TENM3: variants seen among roughly 807,000 people sequenced by gnomAD.
TENM3 encodes the protein teneurin transmembrane protein 3.
Under a neutral mutation model 255.1 loss-of-function variants are expected in TENM3, and 63 were observed. The ratio of observed to expected loss-of-function variants is 0.25; its 90% CI spans 0.20 to 0.30. TENM3 has a LOEUF of 0.30. Among genes scored for constraint, TENM3 ranks in the 10% least tolerant of loss-of-function variants. The probability of loss-of-function intolerance (pLI) is 1.00; values close to 1 mark genes in which losing one functional copy is unlikely to be tolerated. For synonymous variants in TENM3, 1,306 were observed against 1,322.3 expected (o/e 0.99, Z 0.27); for missense variants, 2,929 against 3,461.1 (o/e 0.85, Z 3.86).
the TENM3 span, among the ~76,000 whole-genome samples, chr4:181,472,247 T>C: frequency 1.3e-4 from 20 of 152,236 alleles, no homozygotes; most frequent in African/African-American, 4.8e-4. Context: ...TAGGAGGCTG[T>C]TTGACAATGC....
At chr4:181,705,670 T>C in the TENM3 span, among the ~76,000 whole-genome samples, 1 of 152,324 alleles carries the variant, frequency 6.6e-6, no homozygotes, top group Admixed American at 6.5e-5. Flanking sequence ...GATGGGTTGA[T>C]AGATGCAGCA....
chr4:182,265,566 TTGCTTATTTGC>T (rs1248135402), intron 1 of TENM3, among the ~76,000 whole-genome samples: 2 of 152,194 alleles, frequency 1.3e-5, no homozygotes, highest in African/African-American at 4.8e-5. Context: ...AGCTGCTTAT[TTGCTTATTTGC>T]TGCTTATTTG....
At chr4:182,742,427 T>C (rs992342874) in intron 18 of TENM3, among the ~76,000 whole-genome samples, 1 of 152,236 alleles carries the variant, frequency 6.6e-6, no homozygotes, top group African/African-American at 2.4e-5. Context: ...ACATTTTGAA[T>C]AACCGCATGT....
chr4:182,141,348 C>T (rs953771378), upstream of TENM3: 10 of 152,272 alleles, frequency 6.6e-5, no homozygotes, highest in African/African-American at 2.4e-4. Flanking sequence ...GACAACAGCT[C>T]AGTGAGGTAA....
At chr4:182,512,042 A>G (rs1329032258) in intron 3 of TENM3, among the ~76,000 whole-genome samples, 1 of 152,170 alleles carries the variant, frequency 6.6e-6, no homozygotes, top group East Asian at 1.9e-4. Flanking sequence ...CATTCTCATC[A>G]AAGGCATGGT....
chr4:181,734,442 A>T, the TENM3 span, among the ~76,000 whole-genome samples: 18 of 152,122 alleles, frequency 1.2e-4, no homozygotes, highest in Non-Finnish European at 1.5e-5. Flanking sequence ...TCACCAACAC[A>T]TACATACGTT....
At chr4:181,620,629 C>A in the TENM3 span, among the ~76,000 whole-genome samples, 1 of 148,252 alleles carries the variant, frequency 6.7e-6, no homozygotes, top group Middle Eastern at 3.5e-3. Context: ...CAGGGAAAGC[C>A]TACGTGAGGA....
At chr4:182,375,659 C>T (rs974006208) in intron 3 of TENM3, among the ~76,000 whole-genome samples, 6 of 152,014 alleles carry the variant, frequency 3.9e-5, no homozygotes, top group Admixed American at 2.6e-4. Flanking sequence ...CTCCTGCCTC[C>T]GCCTCCTGGG....
chr4:181,985,699 G>C, the TENM3 span, among the ~76,000 whole-genome samples: 1 of 152,066 alleles, frequency 6.6e-6, no homozygotes, highest in Non-Finnish European at 1.5e-5. Flanking sequence ...AATAAACAAT[G>C]AGCAATTCAA....
the TENM3 span, among the ~76,000 whole-genome samples, chr4:181,580,066 C>T: frequency 2.0e-5 from 3 of 151,692 alleles, no homozygotes; most frequent in African/African-American, 7.3e-5. Flanking sequence ...GGCGCGATCT[C>T]AACTCACCGC....
chr4:181,551,066 G>C, the TENM3 span, among the ~76,000 whole-genome samples: 298 of 152,218 alleles, frequency 2.0e-3, 1 homozygote, highest in Middle Eastern at 6.8e-3. Context: ...TTACAACATT[G>C]GTGAACAGGA....
chr4:182,525,643 G>A (rs920493283), intron 3 of TENM3, among the ~76,000 whole-genome samples: 9 of 152,196 alleles, frequency 5.9e-5, no homozygotes, highest in African/African-American at 1.7e-4. Flanking sequence ...CATCTGCCAC[G>A]TTTGGGAGTT....
the TENM3 span, among the ~76,000 whole-genome samples, chr4:181,940,374 C>G: frequency 1.2e-4 from 18 of 152,134 alleles, no homozygotes; most frequent in Non-Finnish European, 1.5e-5. Context: ...ACATATTTAG[C>G]TTCGCCAGAA....
At chr4:182,788,833 T>G (rs550149453) in intron 24 of TENM3, among the ~76,000 whole-genome samples, 1 of 152,314 alleles carries the variant, frequency 6.6e-6, no homozygotes, top group South Asian at 2.1e-4. Flanking sequence ...ACACATACAT[T>G]TTGGTATTTT....
chr4:181,474,888 C>T, the TENM3 span, among the ~76,000 whole-genome samples: 5 of 151,984 alleles, frequency 3.3e-5, no homozygotes, highest in Admixed American at 3.3e-4. Flanking sequence ...CCTCTCTTCT[C>T]CCCCCACCTC....
chr4:181,605,728 A>G, the TENM3 span, among the ~76,000 whole-genome samples: 1 of 152,210 alleles, frequency 6.6e-6, no homozygotes. Flanking sequence ...GTACTAGAAT[A>G]GAATCAAACT....
chr4:182,449,023 G>A (rs1392485537), intron 3 of TENM3: 2 of 390,126 alleles, frequency 5.1e-6, no homozygotes, highest in African/African-American at 2.2e-5. Context: ...TCCAGACCCA[G>A]GCAACTTGGC....
the TENM3 span, among the ~76,000 whole-genome samples, chr4:181,600,513 A>G: frequency 1.3e-5 from 2 of 152,158 alleles, no homozygotes; most frequent in Non-Finnish European, 2.9e-5. Context: ...AAGCCAAGGC[A>G]GGCAAACACT....
the TENM3 span, among the ~76,000 whole-genome samples, chr4:181,910,339 G>A: frequency 4.6e-5 from 7 of 151,874 alleles, no homozygotes; most frequent in African/African-American, 1.7e-4. Flanking sequence ...GGCTGAGGAG[G>A]ACAGATCACG....
Sources: gnomAD v4.1 joint callset for allele counts (sites outside exome capture counted in the v4.1 genomes callset) on GRCh38, gnomAD v4.1.1 for gene constraint, MANE v1.5 for transcripts, NCBI Gene and HGNC (gene_info 2026-07-23, HGNC 2026-07-21) for gene names.